POLA1: variants seen among roughly 807,000 people sequenced by gnomAD.
POLA1 encodes DNA polymerase alpha catalytic subunit.
POLA1 carries 15 observed loss-of-function variants against 124.0 expected under a neutral mutation model. That is an observed-to-expected ratio of 0.12 (90% CI 0.08 to 0.19). The LOEUF (loss-of-function observed/expected upper bound fraction) is 0.19, where lower values mean the gene tolerates loss of function less well. Among genes scored for constraint, POLA1 ranks in the 10% least tolerant of loss-of-function variants. The pLI is 1.00. For synonymous variants in POLA1, 408 were observed against 389.4 expected (o/e 1.05, Z -0.56); for missense variants, 886 against 1,103.4 (o/e 0.80, Z 2.79).
At chrX:24,818,326 A>G (rs1404328003) in intron 30 of POLA1, among the ~76,000 whole-genome samples, 3 of 111,436 alleles carry the variant, frequency 2.7e-5, no homozygotes, top group East Asian at 2.8e-4. Flanking sequence ...AGAATAATCC[A>G]TTGAAGAAGA....
chrX:24,824,564 C>T (rs1161687479), intron 31 of POLA1, among the ~76,000 whole-genome samples: 1 of 106,878 alleles, frequency 9.4e-6, no homozygotes, highest in African/African-American at 3.4e-5. Context: ...CTGGCTCAGC[C>T]TCTCCAAGTA....
chrX:24,969,306 A>G (rs143402518), intron 36 of POLA1, among the ~76,000 whole-genome samples: 122 of 111,191 alleles, frequency 1.1e-3, no homozygotes, highest in African/African-American at 3.8e-3. Context: ...TTTATCTCCC[A>G]CTTATAACAG....
intron 36 of POLA1, among the ~76,000 whole-genome samples, chrX:24,943,712 A>G (rs1431386676): frequency 8.9e-6 from 1 of 112,636 alleles, no homozygotes; most frequent in Non-Finnish European, 1.9e-5. Flanking sequence ...AGACTAAACT[A>G]CACTTGTCAA....
At chrX:24,951,998 C>T (rs2048052450) in intron 36 of POLA1, among the ~76,000 whole-genome samples, 1 of 111,917 alleles carries the variant, frequency 8.9e-6, no homozygotes, top group African/African-American at 3.2e-5. Context: ...CACTCGCATG[C>T]AAAACTCATG....
intron 33 of POLA1, 32 bp downstream of exon 33, chrX:24,841,862 G>T: frequency 9.1e-7 from 1 of 1,096,675 alleles, no homozygotes; most frequent in Non-Finnish European, 1.3e-6. Flanking sequence ...TTTTGTGAGT[G>T]AACTTGTATA....
At chrX:24,807,918 A>G (rs1394497907) in intron 26 of POLA1, among the ~76,000 whole-genome samples, 1 of 111,934 alleles carries the variant, frequency 8.9e-6, no homozygotes, top group African/African-American at 3.3e-5. Flanking sequence ...GTCTGTACAC[A>G]GTTAACTGTT....
chrX:24,884,872 A>G (rs988402841), intron 34 of POLA1, among the ~76,000 whole-genome samples: 2 of 112,273 alleles, frequency 1.8e-5, no homozygotes, highest in Non-Finnish European at 3.8e-5. Flanking sequence ...AATGTTAATT[A>G]TAACTGGTAG....
At chrX:24,789,421 G>C (rs2045448951) in intron 26 of POLA1, among the ~76,000 whole-genome samples, 1 of 111,371 alleles carries the variant, frequency 9.0e-6, no homozygotes, top group Non-Finnish European at 1.9e-5. Flanking sequence ...GCATAAAAAA[G>C]AATAAAATAC....
intron 31 of POLA1, among the ~76,000 whole-genome samples, chrX:24,824,596 A>C (rs1373742604): frequency 9.2e-6 from 1 of 108,343 alleles, no homozygotes; most frequent in East Asian, 2.9e-4. Flanking sequence ...GGCATGAGCC[A>C]CTGTGTCCAG....
At chrX:24,807,406 T>A (rs1205004917) in intron 26 of POLA1, among the ~76,000 whole-genome samples, 5 of 112,286 alleles carry the variant, frequency 4.5e-5, no homozygotes, top group Non-Finnish European at 7.5e-5. Context: ...GTGATTAATT[T>A]GCCTTGGGTT....
At chrX:24,956,473 A>G (rs2048107943) in intron 36 of POLA1, among the ~76,000 whole-genome samples, 1 of 110,462 alleles carries the variant, frequency 9.1e-6, no homozygotes, top group South Asian at 3.9e-4. Flanking sequence ...TAAAAAGGGC[A>G]GCATTCCCAA....
chrX:24,995,028 A>C (rs1397492542), intron 36 of POLA1, among the ~76,000 whole-genome samples: 1 of 109,010 alleles, frequency 9.2e-6, no homozygotes, highest in Non-Finnish European at 1.9e-5. Context: ...TGCACTCCAG[A>C]CTGGGCAACA....
chrX:24,919,808 G>GTTTTTTTTTTTTGTTTTTTTTTTTTT (rs1195362180), intron 35 of POLA1, among the ~76,000 whole-genome samples: 2 of 20,274 alleles, frequency 9.9e-5, no homozygotes, highest in African/African-American at 2.1e-4. Flanking sequence ...TTTTTTTTTT[G>GTTTTTTTTTTTTGTTTTTTTTTTTTT]TTTTTTTTTT....
chrX:24,817,704 A>G (rs749462668), intron 30 of POLA1, among the ~76,000 whole-genome samples: 3 of 110,966 alleles, frequency 2.7e-5, no homozygotes, highest in Non-Finnish European at 5.7e-5. Flanking sequence ...TGTTGATGCA[A>G]GTACAGTAAA....
At chrX:24,852,640 T>C (rs886638301) in intron 34 of POLA1, among the ~76,000 whole-genome samples, 2 of 112,119 alleles carry the variant, frequency 1.8e-5, no homozygotes, top group Admixed American at 1.9e-4. Flanking sequence ...AACCAGTGTA[T>C]AACTTTTTGT....
At chrX:24,736,552 A>G (rs1931289273) in intron 18 of POLA1, among the ~76,000 whole-genome samples, 1 of 112,168 alleles carries the variant, frequency 8.9e-6, no homozygotes, top group Non-Finnish European at 1.9e-5. Flanking sequence ...GAATTCTGAC[A>G]TGAATATGGG....
intron 1 of POLA1, among the ~76,000 whole-genome samples, chrX:24,698,471 C>T (rs1350136862): frequency 9.0e-6 from 1 of 111,280 alleles, no homozygotes; most frequent in Admixed American, 9.6e-5. Flanking sequence ...TAAATTTCTC[C>T]AGCCCTCAAT....
intron 4 of POLA1, among the ~76,000 whole-genome samples, chrX:24,709,531 G>C (rs1929191584): frequency 2.7e-5 from 3 of 109,360 alleles, no homozygotes; most frequent in Admixed American, 1.9e-4. Context: ...CTGCCGGGCG[G>C]AGACGCTCCT....
At chrX:24,806,069 T>G (rs2045794208) in intron 26 of POLA1, among the ~76,000 whole-genome samples, 3 of 30,778 alleles carry the variant, frequency 9.7e-5, no homozygotes, top group East Asian at 1.2e-3. Context: ...TTTTTTTTTT[T>G]TTTTTTTTTT....
Sources: gnomAD v4.1 joint callset for allele counts (sites outside exome capture counted in the v4.1 genomes callset) on GRCh38, gnomAD v4.1.1 for gene constraint, MANE v1.5 for transcripts, NCBI Gene and HGNC (gene_info 2026-07-23, HGNC 2026-07-21) for gene names.